Variants in CNN2 observed in about 807,000 individuals in gnomAD.
CNN2 encodes the protein calponin-2.
Under a neutral mutation model 31.0 loss-of-function variants are expected in CNN2, and 21 were observed. The observed-to-expected ratio is 0.68, with a 90% CI of 0.48 to 0.98. The LOEUF is 0.98. Ranked by LOEUF, CNN2 falls within the 50% of genes least tolerant of loss-of-function variation. CNN2 has a pLI of 0.00. For synonymous variants in CNN2, 165 were observed against 179.6 expected (o/e 0.92, Z 0.65); for missense variants, 399 against 427.3 (o/e 0.93, Z 0.58).
At position 1,037,804 on chromosome 19, in the gene CNN2, A is replaced by G; in HGVS notation, c.834A>G (p.Thr278=). The G allele has an allele frequency of 1.2e-6, 2 of 1,610,824 alleles. No homozygotes were observed. Among genetic ancestry groups the G allele is most frequent in the Admixed American group, 1.7e-5 (1 of 60,022 alleles). Reference sequence around the variant, plus strand: ...ACCCCAAGTACTGCCCGCAAGGCACAGTGGCCGATGGGGCTCCCTCGGGCA... The same window carrying G: ...ACCCCAAGTACTGCCCGCAAGGCACGGTGGCCGATGGGGCTCCCTCGGGCA... ...IYDPKYCPQG[T]VADGAPSGTG... Residue 278 remains threonine, a synonymous_variant, in exon 7 of 7, where the codon ACA becomes ACG. Transcript: ENST00000263097.
At position 1,037,971 on chromosome 19, in the gene CNN2, T is replaced by A; in HGVS notation, c.*71T>A. 1 of 915,542 alleles carries A rather than the reference T, an allele frequency of 1.1e-6. No homozygotes were observed. The highest frequency in any genetic ancestry group is 1.5e-6 in the Non-Finnish European group (1 of 647,774). 56.7% of individuals were successfully genotyped at this position (915,542 alleles called of 1,614,324 possible). A position where few individuals can be genotyped will look rare whatever the true frequency, so the allele number is the denominator to read the frequency against. ...TTTGGGTTTTTCTGTGTTTTCATCT[T>A]TTTTTTTTTTTTCTTAACCCGTTCA... On this transcript the variant is annotated 3_prime_UTR_variant, in exon 7 of 7. Coordinates refer to ENST00000263097, the MANE Select transcript of CNN2 (RefSeq NM_004368.4).
chr19:1,037,089 C>T (rs141495071), intron 6 of CNN2: 4,341 of 211,470 alleles, frequency 0.021, 154 homozygotes, highest in East Asian at 0.15. Flanking sequence ...AACTCCTGAG[C>T]TCAGGCAATC....
In CNN2 at chr19:1,036,461, G is replaced by C; in HGVS notation, c.553G>C (p.Gly185Arg). ...CAGCCAGTCGGGCATGACTGCCTAC[G>C]GCACGAGAAGGCATCTCTATGACCC... ...CASQSGMTAY[G>R]TRRHLYDPKN... Residue 185 changes from glycine to arginine, a missense_variant, in exon 6 of 7, where the codon GGC becomes CGC. Transcript: ENST00000263097. The C allele has an allele frequency of 1.2e-6, 2 of 1,612,998 alleles. No homozygotes were observed. Among genetic ancestry groups the C allele is most frequent in the Non-Finnish European group, 8.5e-7 (1 of 1,179,188 alleles).
At chr19:1,029,101 T>C (rs544804295) in intron 1 of CNN2, among the ~76,000 whole-genome samples, 5,592 of 131,118 alleles carry the variant, frequency 0.043, 156 homozygotes, top group African/African-American at 0.09. Context: ...CAGGGGACCC[T>C]AACCCAAATC....
Position 1,032,562 on chromosome 19 carries a change from G to A in CNN2, c.256G>A (p.Glu86Lys), listed in dbSNP as rs2039516546. The A allele has an allele frequency of 2.6e-5, 42 of 1,613,422 alleles. No individual in the cohort carries two copies. Among genetic ancestry groups the A allele is most frequent in the Non-Finnish European group, 3.6e-5 (42 of 1,179,902 alleles). ...TCCCTCTCCTGCCTCTTCCCAGCTA[G>A]AAAACCTGTCCAACTTCATCAAGGC... ...NRSMQNWHQL[E>K]NLSNFIKAMV... is the part of the protein sequence containing the mutation. Residue 86 changes from glutamate (E) to lysine (K), a missense_variant, in exon 4 of 7, where the codon GAA becomes AAA. Physicochemically the swap from Glu to Lys is moderately conservative, Grantham distance 56. Transcript: ENST00000263097.
At position 1,038,845 on chromosome 19, in the gene CNN2, A is replaced by C. The variant is rs149078772; in HGVS notation, c.*945A>C. On this transcript the variant is annotated 3_prime_UTR_variant, in exon 7 of 7. Coordinates refer to ENST00000263097, the MANE Select transcript of CNN2 (RefSeq NM_004368.4). ...CGCCTCCGCCTCCCCAAGCGCTGAGATTACAGGTGTGAGCCACCGTGCCCA... is the reference window on the plus strand; with the variant it reads ...CGCCTCCGCCTCCCCAAGCGCTGAGCTTACAGGTGTGAGCCACCGTGCCCA... The C allele has an allele frequency of 0.025, 3,790 of 152,422 alleles. 57 individuals carry two copies. The highest frequency in any genetic ancestry group is 0.07 in the Middle Eastern group (21 of 298). The allele number at this position is 152,422 out of a possible 1,614,324, so 9.4% of individuals were successfully genotyped here. A position where few individuals can be genotyped will look rare whatever the true frequency, so the allele number is the denominator to read the frequency against.
rs1323999601 is a variant in CNN2, at chr19:1,038,132, C to T, written c.*232C>T. Reference sequence around the variant, plus strand: ...AAGGGGTCAAGGCCATATCCCAATACGTGTAGGGCGAGGGTCCCTGCTGGC... The same window carrying T: ...AAGGGGTCAAGGCCATATCCCAATATGTGTAGGGCGAGGGTCCCTGCTGGC... On this transcript the variant is annotated 3_prime_UTR_variant, in exon 7 of 7. Transcript: ENST00000263097. The T allele has an allele frequency of 6.4e-6, 3 of 469,578 alleles. No individual in the cohort carries two copies. Among genetic ancestry groups the T allele is most frequent in the East Asian group, 3.3e-5 (1 of 30,604 alleles). The allele number at this position is 469,578 out of a possible 1,614,324, so 29.1% of individuals were successfully genotyped here.
chr19:1,028,803 G>T (rs2039442364), intron 1 of CNN2, among the ~76,000 whole-genome samples: 1 of 152,198 alleles, frequency 6.6e-6, no homozygotes, highest in Non-Finnish European at 1.5e-5. Context: ...AGGCAGGGCT[G>T]TGTACCCAGC....
intron 1 of CNN2, 192 bp from the exon 2 acceptor site, chr19:1,030,879 C>T: frequency 1.6e-6 from 1 of 641,396 alleles, no homozygotes; most frequent in South Asian, 2.0e-5. Flanking sequence ...TCTGTGCCCG[C>T]CTGCAGTGGC....
chr19:1,036,671 G>T, intron 6 of CNN2, 109 bp downstream of exon 6: 1 of 1,400,352 alleles, frequency 7.1e-7, no homozygotes. Context: ...CTCAGTCTCA[G>T]CCCCTTCCCT....
chr19:1,037,433 C>A, intron 6 of CNN2, 192 bp from the exon 7 acceptor site: 2 of 672,972 alleles, frequency 3.0e-6, no homozygotes, highest in Non-Finnish European at 5.0e-6. Context: ...CCACCACGCC[C>A]AGCTAATTTT....
intron 1 of CNN2, among the ~76,000 whole-genome samples, chr19:1,028,935 T>C (rs1315455584): frequency 6.6e-6 from 1 of 152,220 alleles, no homozygotes; most frequent in Non-Finnish European, 1.5e-5. Flanking sequence ...CTTTGCCTCC[T>C]CTGGGCTACG....
Position 1,036,570 on chromosome 19 carries a change from T to A in CNN2, c.654+8T>A. Reference sequence around the variant, plus strand: ...AACAAGTGTGCCAGCCAGGTGGGGCTCGCCCGGGTGCCCCCGACTCCTCTC... The same window carrying A: ...AACAAGTGTGCCAGCCAGGTGGGGCACGCCCGGGTGCCCCCGACTCCTCTC... On this transcript the variant is annotated splice_region_variant and intron_variant, in intron 6 of 6. Transcript: ENST00000263097. 6.2e-7 allele frequency: 1 copy of A among 1,613,700 alleles called. No homozygotes were observed. Among genetic ancestry groups the A allele is most frequent in the Non-Finnish European group, 8.5e-7 (1 of 1,179,932 alleles).
At position 1,036,444 on chromosome 19, in the gene CNN2, C is replaced by T. The variant is rs751863874; in HGVS notation, c.536C>T (p.Ser179Leu). 7 of 1,612,930 alleles carry T rather than the reference C, an allele frequency of 4.3e-6. No homozygotes were observed. The highest frequency in any genetic ancestry group is 1.1e-5 in the South Asian group (1 of 91,054). The change falls in exon 6 of 7, where the codon TCG becomes TTG. Residue 179 changes from serine to leucine, a missense_variant. Ser to Leu is a moderately radical substitution (Grantham distance 145). Coordinates refer to ENST00000263097, the MANE Select transcript of CNN2 (RefSeq NM_004368.4). ...QMGTNKCASQ[S>L]GMTAYGTRRH... is the part of the protein sequence containing the mutation. ...GGCACCAACAAATGCGCCAGCCAGT[C>T]GGGCATGACTGCCTACGGCACGAGA...
At chr19:1,030,906 A>T in intron 1 of CNN2, 165 bp from the exon 2 acceptor site, 1 of 865,944 alleles carries the variant, frequency 1.2e-6, no homozygotes, top group Non-Finnish European at 1.8e-6. Context: ...GCCCCCAATG[A>T]TGGGAAAAGG....
At chr19:1,026,836 CG>C (rs2039404143) in intron 1 of CNN2, 112 bp downstream of exon 1, 3 of 1,015,370 alleles carry the variant, frequency 3.0e-6, no homozygotes, top group East Asian at 3.2e-5. Context: ...CTTGGAGACC[CG>C]GGGCGGACGG....
intron 4 of CNN2, among the ~76,000 whole-genome samples, chr19:1,033,080 C>T (rs765107937): frequency 7.9e-5 from 12 of 151,978 alleles, no homozygotes; most frequent in South Asian, 2.1e-4. Context: ...TGCCCGGCCT[C>T]GTTTACAAAT....
intron 2 of CNN2, 95 bp downstream of exon 2, chr19:1,031,287 C>A: frequency 5.8e-6 from 6 of 1,031,586 alleles, no homozygotes; most frequent in Non-Finnish European, 6.2e-6. Context: ...GGGGGCCGGG[C>A]ATGGCCTGGC....
intron 1 of CNN2, among the ~76,000 whole-genome samples, chr19:1,028,022 G>A (rs561157312): frequency 7.2e-5 from 11 of 152,298 alleles, no homozygotes; most frequent in South Asian, 2.1e-4. Context: ...TCCTTCAAGG[G>A]GCCATCTGCA....
Sources: gnomAD v4.1 joint callset for allele counts (sites outside exome capture counted in the v4.1 genomes callset) on GRCh38, gnomAD v4.1.1 for gene constraint, MANE v1.5 for transcripts, NCBI Gene and HGNC (gene_info 2026-07-23, HGNC 2026-07-21) for gene names.